The following DPY19L2 variants were observed in gnomAD, a reference collection of about 807,000 sequenced individuals.
DPY19L2 encodes the protein dpy-19 like 2, also known as probable C-mannosyltransferase DPY19L2.
A neutral mutation model predicts 97.9 loss-of-function variants in DPY19L2; 34 were observed. That is an observed-to-expected ratio of 0.35 (90% CI 0.26 to 0.46). The LOEUF is 0.46. Ranked by LOEUF, DPY19L2 falls within the 20% of genes least tolerant of loss-of-function variation. The pLI is 1.00. For synonymous variants in DPY19L2, 230 were observed against 307.9 expected, an observed-to-expected ratio of 0.75 and a Z score of 2.65; for missense variants, 623 against 911.4, an observed-to-expected ratio of 0.68 and a Z score of 4.07.
At chr12:63,623,053 G>A (rs1403771472) in intron 8 of DPY19L2, among the ~76,000 whole-genome samples, 1 of 151,952 alleles carries the variant, frequency 6.6e-6, no homozygotes, top group African/African-American at 2.4e-5. Flanking sequence ...TGAAGAATGG[G>A]GTCCTCTGGG....
chr12:63,639,865 G>T (rs1247622250), intron 6 of DPY19L2, among the ~76,000 whole-genome samples: 1 of 152,120 alleles, frequency 6.6e-6, no homozygotes, highest in Non-Finnish European at 1.5e-5. Flanking sequence ...ATACCCAAAG[G>T]ATTATAAATC....
chr12:63,654,123 G>A (rs1249080538), intron 4 of DPY19L2, among the ~76,000 whole-genome samples: 2 of 152,048 alleles, frequency 1.3e-5, no homozygotes, highest in Admixed American at 6.6e-5. Context: ...AAGAAGGAAT[G>A]TTGGAACATC....
intron 6 of DPY19L2, among the ~76,000 whole-genome samples, chr12:63,630,586 A>G (rs1465824180): frequency 6.6e-6 from 1 of 152,144 alleles, no homozygotes; most frequent in Non-Finnish European, 1.5e-5. Context: ...AGTGACCTAC[A>G]AAGAGACTTA....
chr12:63,613,395 T>A (rs1887326933), intron 11 of DPY19L2, among the ~76,000 whole-genome samples: 1 of 152,098 alleles, frequency 6.6e-6, no homozygotes, highest in Non-Finnish European at 1.5e-5. Flanking sequence ...AGAAACTATA[T>A]GATATCATAT....
intron 6 of DPY19L2, among the ~76,000 whole-genome samples, chr12:63,627,640 G>T (rs947401743): frequency 6.6e-6 from 1 of 152,122 alleles, no homozygotes. Flanking sequence ...GTGAGCCACC[G>T]CACCCGGCCA....
At chr12:63,612,115 C>T (rs571664833) in intron 11 of DPY19L2, among the ~76,000 whole-genome samples, 1 of 152,080 alleles carries the variant, frequency 6.6e-6, no homozygotes, top group South Asian at 2.1e-4. Flanking sequence ...AACAACAAGA[C>T]AAGTCAAGCA....
At chr12:63,640,994 G>A (rs1158561708) in intron 6 of DPY19L2, among the ~76,000 whole-genome samples, 2 of 152,054 alleles carry the variant, frequency 1.3e-5, no homozygotes, top group Non-Finnish European at 2.9e-5. Flanking sequence ...CCAGGTTCAC[G>A]CCATTCTCCT....
chr12:63,641,148 C>G (rs1892632676), intron 6 of DPY19L2, among the ~76,000 whole-genome samples: 1 of 152,112 alleles, frequency 6.6e-6, no homozygotes, highest in African/African-American at 2.4e-5. Context: ...TCATGATCTG[C>G]CCGCCTCGGC....
intron 6 of DPY19L2, among the ~76,000 whole-genome samples, chr12:63,629,280 G>T (rs902752430): frequency 6.6e-6 from 1 of 152,138 alleles, no homozygotes; most frequent in Non-Finnish European, 1.5e-5. Flanking sequence ...GCTAAAGGAG[G>T]AAGTTAGAAC....
At chr12:63,567,880 G>T (rs545637321) in intron 21 of DPY19L2, among the ~76,000 whole-genome samples, 3 of 152,078 alleles carry the variant, frequency 2.0e-5, no homozygotes, top group African/African-American at 7.2e-5. Context: ...TGTTTATATA[G>T]CACATCATTT....
At chr12:63,570,712 G>T in intron 20 of DPY19L2, 46 bp downstream of exon 20, 1 of 1,575,468 alleles carries the variant, frequency 6.3e-7, no homozygotes, top group South Asian at 1.1e-5. Flanking sequence ...CCTAAGAATT[G>T]GGAGTTGCCA....
At chr12:63,639,499 A>G (rs1892324663) in intron 6 of DPY19L2, among the ~76,000 whole-genome samples, 1 of 149,496 alleles carries the variant, frequency 6.7e-6, no homozygotes, top group South Asian at 2.1e-4. Context: ...AAACAAATTT[A>G]TAAGAAAAAA....
chr12:63,633,765 G>T lies in DPY19L2; in HGVS notation c.804-7239C>A, dbSNP rs527559352. ...TGCTGCTGTAAAGACACATGCACACGTATGTTTATTGTGGCACTATTCACA... is the reference window on the plus strand; with the variant it reads ...TGCTGCTGTAAAGACACATGCACACTTATGTTTATTGTGGCACTATTCACA... On this transcript the variant is annotated intron_variant, in intron 6 of 21. Coordinates refer to ENST00000324472, the MANE Select transcript of DPY19L2 (RefSeq NM_173812.5). Among the ~76,000 whole-genome samples, 5 of 152,222 alleles carry T rather than the reference G, an allele frequency of 3.3e-5. No individual in the cohort carries two copies. In the East Asian group the frequency reaches 9.6e-4, roughly 29 times the overall value.
chr12:63,561,917 T>C (rs1465363862), intron 21 of DPY19L2, among the ~76,000 whole-genome samples: 7 of 152,180 alleles, frequency 4.6e-5, no homozygotes, highest in Admixed American at 3.3e-4. Flanking sequence ...CAACAATGCA[T>C]GAGAGTTTAA....
chr12:63,592,445 A>T (rs1433216642), intron 16 of DPY19L2, among the ~76,000 whole-genome samples: 1 of 149,004 alleles, frequency 6.7e-6, no homozygotes, highest in South Asian at 2.2e-4. Flanking sequence ...ACAGAGATAT[A>T]GATCAATGGA....
In DPY19L2 at chr12:63,576,216, G is replaced by A. The variant is rs115100325; in HGVS notation, c.1900+4446C>T. Among the ~76,000 whole-genome samples the A allele has an allele frequency of 4.0e-3, 612 of 151,514 alleles. 5 individuals are homozygous for A. The highest frequency in any genetic ancestry group is 0.014 in the African/African-American group (578 of 41,398). On this transcript the variant is annotated intron_variant, in intron 19 of 21. Transcript: ENST00000324472. Reference sequence around the variant, plus strand: ...ATGATCATCTCATCTCCATAGATGCGGGAAAATCATTTGGTAAAATTCAAC... The same window carrying A: ...ATGATCATCTCATCTCCATAGATGCAGGAAAATCATTTGGTAAAATTCAAC...
intron 11 of DPY19L2, among the ~76,000 whole-genome samples, chr12:63,612,600 C>CT (rs1887192870): frequency 1.2e-5 from 1 of 86,394 alleles, no homozygotes; most frequent in African/African-American, 6.0e-5. Context: ...TGCTTTATAC[C>CT]TTTAAAAAAA....
At chr12:63,613,056 G>A (rs1887271149) in intron 11 of DPY19L2, among the ~76,000 whole-genome samples, 1 of 151,974 alleles carries the variant, frequency 6.6e-6, no homozygotes, top group Non-Finnish European at 1.5e-5. Context: ...TGGTTTCACT[G>A]GTAAATTCTA....
At chr12:63,619,424 C>G (rs1171936087) in intron 9 of DPY19L2, among the ~76,000 whole-genome samples, 1 of 151,998 alleles carries the variant, frequency 6.6e-6, no homozygotes, top group African/African-American at 2.4e-5. Context: ...CACACACATA[C>G]AAACAAAACT....
Sources: allele counts gnomAD v4.1 joint callset (sites outside exome capture counted in the v4.1 genomes callset), GRCh38; gene constraint gnomAD v4.1.1; transcripts MANE v1.5; gene names NCBI Gene and HGNC (gene_info 2026-07-23, HGNC 2026-07-21).